Variants in C1orf105 observed in about 807,000 individuals in gnomAD.
C1orf105 encodes the protein chromosome 1 open reading frame 105, also known as uncharacterized protein C1orf105.
A neutral mutation model predicts 20.8 loss-of-function variants in C1orf105; 17 were observed. That is an observed-to-expected ratio of 0.82 (90% confidence interval 0.56 to 1.23). The LOEUF (loss-of-function observed/expected upper bound fraction) is 1.23. Among genes scored for constraint, C1orf105 ranks in the 50% most tolerant of loss-of-function variants. C1orf105 has a pLI of 0.00. For synonymous variants in C1orf105, 72 were observed against 72.1 expected (o/e 1.00, Z 0.01); for missense variants, 219 against 213.5 (o/e 1.03, Z -0.16).
intron 1 of C1orf105, 45 bp from the exon 2 acceptor site, chr1:172,445,028 T>C: frequency 6.7e-7 from 1 of 1,499,740 alleles, no homozygotes; most frequent in South Asian, 1.2e-5. Flanking sequence ...GATAGCAATG[T>C]TTAAGTGTGA....
At chr1:172,448,295 G>A in intron 2 of C1orf105, 146 bp from the exon 3 acceptor site, 2 of 610,224 alleles carry the variant, frequency 3.3e-6, no homozygotes, top group South Asian at 2.1e-5. Flanking sequence ...CATCTTTTGG[G>A]AGCTCCCCAA....
intron 1 of C1orf105, among the ~76,000 whole-genome samples, chr1:172,424,903 A>C (rs775245932): frequency 3.3e-5 from 5 of 152,190 alleles, no homozygotes; most frequent in Non-Finnish European, 5.9e-5. Context: ...CAGAGTTCAA[A>C]TGTCACTCGG....
At chr1:172,436,060 A>C (rs987041492) in intron 1 of C1orf105, among the ~76,000 whole-genome samples, 6 of 152,252 alleles carry the variant, frequency 3.9e-5, no homozygotes, top group Non-Finnish European at 7.3e-5. Context: ...TTCAAGAAGA[A>C]CTACAAATCA....
intron 1 of C1orf105, among the ~76,000 whole-genome samples, chr1:172,435,446 C>A (rs757643679): frequency 6.6e-6 from 1 of 152,066 alleles, no homozygotes; most frequent in African/African-American, 2.4e-5. Flanking sequence ...TCAACATACG[C>A]AAATCAATAA....
intron 3 of C1orf105, among the ~76,000 whole-genome samples, chr1:172,454,546 T>C (rs1245541750): frequency 6.6e-6 from 1 of 151,998 alleles, no homozygotes; most frequent in African/African-American, 2.4e-5. Context: ...CTCACTCCAT[T>C]CAACCTCCCA....
rs1193521235 is a variant in C1orf105, at chr1:172,442,341, C to A, written c.22-2732C>A. The A allele has an allele frequency of 5.6e-6, 9 of 1,613,072 alleles. No homozygotes were observed. In the African/African-American group the frequency reaches 9.3e-5, roughly 17 times the overall value. On this transcript the variant is annotated intron_variant, in intron 1 of 6. Coordinates refer to ENST00000367727, the MANE Select transcript of C1orf105 (RefSeq NM_139240.4). ...TGAGATCAAACAAAACATACCCAAT[C>A]AGTGAAGAAGCCAGACCAGTCCCTA...
chr1:172,460,233 A>G (rs1224823249), intron 4 of C1orf105, among the ~76,000 whole-genome samples: 1 of 152,234 alleles, frequency 6.6e-6, no homozygotes, highest in African/African-American at 2.4e-5. Context: ...TTAGCACTAA[A>G]TAAAAGCACA....
Position 172,468,468 on chromosome 1 carries a change from G to GT in C1orf105, c.426_427insT (p.Pro143SerfsTer57). 1 of 1,613,296 alleles carries GT rather than the reference G, an allele frequency of 6.2e-7. No individual in the cohort carries two copies. Among genetic ancestry groups the GT allele is most frequent in the Non-Finnish European group, 8.5e-7 (1 of 1,179,434 alleles). On this transcript the variant is annotated frameshift_variant, in exon 7 of 7. Transcript: ENST00000367727. LOFTEE classifies it low-confidence loss of function (END_TRUNC). The stretch of plus-strand genomic sequence containing the variant: ...ATCCAGAAAGCATTCACTACAGACT[G>GT]CCCATTCTGGGCCCCAGGACAGCTG...
At chr1:172,451,403 T>A (rs1397858764) in intron 3 of C1orf105, among the ~76,000 whole-genome samples, 1 of 152,230 alleles carries the variant, frequency 6.6e-6, no homozygotes, top group Non-Finnish European at 1.5e-5. Context: ...AGCAGAGGCA[T>A]AGCTGGGGAA....
intron 1 of C1orf105, chr1:172,441,352 TACACACAC>T (rs55669322): frequency 0.21 from 32,513 of 156,700 alleles, 3,589 homozygotes; most frequent in East Asian, 0.31. Context: ...GAAGTGACTT[TACACACAC>T]ACACACACAC....
At chr1:172,454,556 A>G (rs374191734) in intron 3 of C1orf105, among the ~76,000 whole-genome samples, 1 of 152,024 alleles carries the variant, frequency 6.6e-6, no homozygotes, top group South Asian at 2.1e-4. Context: ...TCAACCTCCC[A>G]CCAGACAACC....
At chr1:172,441,735 G>C in intron 1 of C1orf105, 1 of 1,540,954 alleles carries the variant, frequency 6.5e-7, no homozygotes, top group East Asian at 2.3e-5. Context: ...TAATTTAACT[G>C]AGGAACCTGG....
intron 3 of C1orf105, among the ~76,000 whole-genome samples, chr1:172,451,324 T>C (rs1226297328): frequency 6.6e-6 from 1 of 152,250 alleles, no homozygotes; most frequent in African/African-American, 2.4e-5. Flanking sequence ...AGAGTGAAGA[T>C]AAGAACACTA....
Position 172,451,571 on chromosome 1 carries a change from A to T in C1orf105, c.198+3040A>T, listed in dbSNP as rs146743290. Among the ~76,000 whole-genome samples the T allele has an allele frequency of 1.2e-4, 18 of 152,354 alleles. No individual in the cohort carries two copies. In the East Asian group the frequency reaches 2.9e-3, roughly 24 times the overall value. On this transcript the variant is annotated intron_variant, in intron 3 of 6. Coordinates refer to ENST00000367727, the MANE Select transcript of C1orf105 (RefSeq NM_139240.4). ...ATATTTATATTGCTTATGTTGATCT[A>T]GTGCATATAATTACAAATACAATTT...
intron 1 of C1orf105, among the ~76,000 whole-genome samples, chr1:172,439,793 G>T (rs2072159986): frequency 6.6e-6 from 1 of 152,128 alleles, no homozygotes; most frequent in South Asian, 2.1e-4. Flanking sequence ...CAATTTCATA[G>T]AACTCTTTAC....
In C1orf105 at chr1:172,461,527, C is replaced by T. The variant is rs1388034770; in HGVS notation, c.274-651C>T. On this transcript the variant is annotated intron_variant, in intron 4 of 6. Coordinates refer to ENST00000367727, the MANE Select transcript of C1orf105 (RefSeq NM_139240.4). ...GAAAACCAACATCTAGTGCTAGGAA[C>T]AAATTTGGAAAAGTTCAAGAAAGTG... Among the ~76,000 whole-genome samples the T allele has an allele frequency of 3.3e-5, 5 of 152,092 alleles. No individual in the cohort carries two copies. The East Asian group carries it at 9.6e-4, about 29-fold the overall frequency.
chr1:172,448,503 T>C lies in C1orf105; in HGVS notation c.170T>C (p.Leu57Ser), dbSNP rs766969605. The stretch of plus-strand genomic sequence containing the variant: ...AAGAAGAATATGAATTTGCCAATTT[T>C]GTTTCAAGTTCCAGATGTTTTATCT... Reference protein sequence around the residue: ...SSKKNMNLPILFQVPDVLSKA... With the variant: ...SSKKNMNLPISFQVPDVLSKA... Residue 57 changes from leucine to serine, a missense_variant, in exon 3 of 7, where the codon TTG becomes TCG. Leu to Ser is a moderately radical substitution (Grantham distance 145). Coordinates refer to ENST00000367727, the MANE Select transcript of C1orf105 (RefSeq NM_139240.4). 1 of 1,613,178 alleles carries C rather than the reference T, an allele frequency of 6.2e-7. No homozygotes were observed. Among genetic ancestry groups the C allele is most frequent in the African/African-American group, 1.3e-5 (1 of 74,920 alleles).
chr1:172,461,643 G>A (rs1005629760), intron 4 of C1orf105, among the ~76,000 whole-genome samples: 3 of 152,112 alleles, frequency 2.0e-5, no homozygotes, highest in Admixed American at 6.6e-5. Flanking sequence ...TTCAAGGTGG[G>A]TTCATTCATT....
chr1:172,437,733 T>TAAG (rs974552028), intron 1 of C1orf105, among the ~76,000 whole-genome samples: 2 of 132,290 alleles, frequency 1.5e-5, no homozygotes, highest in African/African-American at 5.2e-5. Context: ...TAAAGTATAA[T>TAAG]AATAATAATA....
Sources: allele counts gnomAD v4.1 joint callset (sites outside exome capture counted in the v4.1 genomes callset), GRCh38; gene constraint gnomAD v4.1.1; transcripts MANE v1.5; gene names NCBI Gene and HGNC (gene_info 2026-07-23, HGNC 2026-07-21).